Variants in PAX2 observed in about 807,000 individuals in gnomAD.
PAX2 encodes paired box protein Pax-2.
In PAX2, 9 loss-of-function variants were observed where a neutral mutation model predicts 41.7. That is an observed-to-expected ratio of 0.22 (90% CI 0.13 to 0.38). PAX2 has a LOEUF of 0.38. Among genes scored for constraint, PAX2 ranks in the 10% least tolerant of loss-of-function variants. The probability of loss-of-function intolerance (pLI) is 1.00; values close to 1 mark genes in which losing one functional copy is unlikely to be tolerated. For synonymous variants in PAX2, 221 were observed against 212.7 expected (o/e 1.04, Z -0.34); for missense variants, 418 against 531.6 (o/e 0.79, Z 2.10).
intron 7 of PAX2, among the ~76,000 whole-genome samples, chr10:100,813,492 G>A (rs1022223510): frequency 1.3e-5 from 2 of 152,182 alleles, no homozygotes; most frequent in African/African-American, 2.4e-5. Flanking sequence ...GGAGAGGATG[G>A]GGTTGTAACA....
chr10:100,769,670 A>AAAAT (rs1491348999), intron 3 of PAX2, among the ~76,000 whole-genome samples: 5 of 148,946 alleles, frequency 3.4e-5, no homozygotes, highest in African/African-American at 9.9e-5. Context: ...AAAATAAAAT[A>AAAAT]AAAAAATAAA....
At chr10:100,762,020 C>T (rs1845858620) in intron 3 of PAX2, among the ~76,000 whole-genome samples, 1 of 152,084 alleles carries the variant, frequency 6.6e-6, no homozygotes, top group African/African-American at 2.4e-5. Context: ...CACAAGCCTC[C>T]TCTGAAGCTA....
intron 5 of PAX2, among the ~76,000 whole-genome samples, chr10:100,805,268 T>A (rs1441197008): frequency 6.6e-6 from 1 of 152,196 alleles, no homozygotes; most frequent in Non-Finnish European, 1.5e-5. Flanking sequence ...AATGCAATAT[T>A]GATTATATCA....
chr10:100,779,599 G>T lies in PAX2; in HGVS notation c.496+16G>T. ...CACACCATTGGTAAGAGGGCTCAGG[G>T]AAGGGGAGGAAACCAGATCCCACCT... On this transcript the variant is annotated intron_variant, in intron 4 of 9. Transcript: ENST00000355243. The T allele has an allele frequency of 6.5e-7, 1 of 1,549,344 alleles. No homozygotes were observed. The highest frequency in any genetic ancestry group is 8.8e-7 in the Non-Finnish European group (1 of 1,138,918).
intron 3 of PAX2, among the ~76,000 whole-genome samples, chr10:100,760,836 A>T (rs1845813702): frequency 6.6e-6 from 1 of 152,206 alleles, no homozygotes; most frequent in Non-Finnish European, 1.5e-5. Flanking sequence ...TGATAAGATA[A>T]GGAAGGCCAT....
chr10:100,747,666 TG>T (rs756976303), intron 1 of PAX2: 143 of 975,312 alleles, frequency 1.5e-4, no homozygotes, highest in African/African-American at 1.1e-3. Flanking sequence ...TTGCGGGGGT[TG>T]GGGGGGGCGT....
At chr10:100,755,297 A>G (rs1201809391) in intron 3 of PAX2, among the ~76,000 whole-genome samples, 2 of 152,182 alleles carry the variant, frequency 1.3e-5, no homozygotes, top group Admixed American at 6.5e-5. Flanking sequence ...TCAGGCTACA[A>G]AAGGGGTTTC....
intron 7 of PAX2, among the ~76,000 whole-genome samples, chr10:100,815,504 C>A (rs962897004): frequency 6.6e-6 from 1 of 152,190 alleles, no homozygotes; most frequent in African/African-American, 2.4e-5. Context: ...AGAAAAGAGG[C>A]TAGCCTCCTT....
chr10:100,775,454 G>A (rs140139299), intron 3 of PAX2, among the ~76,000 whole-genome samples: 310 of 152,098 alleles, frequency 2.0e-3, no homozygotes, highest in Middle Eastern at 0.01. Flanking sequence ...ACTGCCTGAG[G>A]TCATGGATGG....
At chr10:100,805,023 T>TACACACACACAC in intron 5 of PAX2, among the ~76,000 whole-genome samples, 1 of 95,020 alleles carries the variant, frequency 1.1e-5, no homozygotes, top group East Asian at 3.3e-4. Context: ...CTCTCTCACA[T>TACACACACACAC]ACACACACAC....
chr10:100,766,952 AC>A (rs1846050620), intron 3 of PAX2, among the ~76,000 whole-genome samples: 1 of 152,254 alleles, frequency 6.6e-6, no homozygotes, highest in Non-Finnish European at 1.5e-5. Flanking sequence ...AAGCAGAAAC[AC>A]AGACACTGCC....
intron 5 of PAX2, among the ~76,000 whole-genome samples, chr10:100,798,697 A>C (rs1272507822): frequency 1.4e-5 from 2 of 146,260 alleles, no homozygotes; most frequent in South Asian, 2.2e-4. Flanking sequence ...ATTCCTGAAC[A>C]CTCCTTCCTT....
At chr10:100,819,073 C>T (rs1427850085) in intron 7 of PAX2, among the ~76,000 whole-genome samples, 1 of 151,800 alleles carries the variant, frequency 6.6e-6, no homozygotes, top group Non-Finnish European at 1.5e-5. Flanking sequence ...ATGGCAAAAC[C>T]CTGTCTCTAC....
intron 5 of PAX2, among the ~76,000 whole-genome samples, chr10:100,799,084 C>T (rs1044642960): frequency 1.4e-4 from 22 of 152,234 alleles, no homozygotes; most frequent in African/African-American, 5.1e-4. Flanking sequence ...CCCTCAGAGG[C>T]GGAAGTAATG....
chr10:100,801,475 T>A (rs978208228), intron 5 of PAX2, among the ~76,000 whole-genome samples: 2 of 152,280 alleles, frequency 1.3e-5, no homozygotes, highest in African/African-American at 4.8e-5. Context: ...CAAAAAGACC[T>A]GTAGTAGCTC....
rs558704644 is a variant in PAX2 at position 100,809,311 on chromosome 10, G to A, written c.919+75G>A. 5 of 1,396,462 alleles carry A rather than the reference G, an allele frequency of 3.6e-6. No homozygotes were observed. In the East Asian group the frequency reaches 9.1e-5, roughly 26 times the overall value. The allele number at this position is 1,396,462 out of a possible 1,614,324, so 86.5% of individuals were successfully genotyped here. On this transcript the variant is annotated intron_variant, in intron 7 of 9. Coordinates refer to ENST00000355243, the MANE Select transcript of PAX2 (RefSeq NM_000278.5). ...CTCAGCCCATGCCATCTGAGGCCCA[G>A]TGTGAGGAGCAGGTCCCCCACCGTG...
At position 100,806,477 on chromosome 10, in the gene PAX2, G is replaced by A. The variant is rs1435705672; in HGVS notation, c.664G>A (p.Asp222Asn). 3.7e-6 allele frequency: 6 copies of A among 1,614,246 alleles called. No homozygotes were observed. Among genetic ancestry groups the A allele is most frequent in the Non-Finnish European group, 5.1e-6 (6 of 1,180,046 alleles). ...CAATGGAGATTCCCAGAGTGGTGTG[G>A]ACAGTTTGCGGAAGCACTTGCGAGC... ...VPNGDSQSGVDSLRKHLRADT... is the reference protein window; with the variant it reads ...VPNGDSQSGVNSLRKHLRADT... The change falls in exon 6 of 10, where the codon GAC becomes AAC. Residue 222 changes from aspartate (D) to asparagine (N), a missense_variant. Asp to Asn is a conservative substitution (Grantham distance 23). Transcript: ENST00000355243.
intron 7 of PAX2, among the ~76,000 whole-genome samples, chr10:100,815,386 C>T (rs746995517): frequency 1.3e-5 from 2 of 152,128 alleles, no homozygotes; most frequent in African/African-American, 2.4e-5. Context: ...CAACTTCAGA[C>T]GTGTGGCAAG....
chr10:100,813,519 T>C (rs1031968432), intron 7 of PAX2, among the ~76,000 whole-genome samples: 1 of 152,004 alleles, frequency 6.6e-6, no homozygotes, highest in African/African-American at 2.4e-5. Flanking sequence ...TCAGGGAATG[T>C]GACTTTGGGA....
Sources: allele counts gnomAD v4.1 joint callset (sites outside exome capture counted in the v4.1 genomes callset), GRCh38; gene constraint gnomAD v4.1.1; transcripts MANE v1.5; gene names NCBI Gene and HGNC (gene_info 2026-07-23, HGNC 2026-07-21).